DKKL1: variants seen among roughly 807,000 people sequenced by gnomAD.
DKKL1 encodes the protein dickkopf like acrosomal protein 1.
In DKKL1, 11 loss-of-function variants were observed where a neutral mutation model predicts 16.5. The ratio of observed to expected loss-of-function variants is 0.67; its 90% CI spans 0.42 to 1.10. The LOEUF (loss-of-function observed/expected upper bound fraction) is 1.10. Among genes scored for constraint, DKKL1 ranks in the 50% least tolerant of loss-of-function variants. The pLI is 0.00. For missense variants in DKKL1, 320 were observed against 308.1 expected (o/e 1.04, Z -0.29); for synonymous variants, 119 against 133.2 (o/e 0.89, Z 0.73).
rs763792602 is a variant in DKKL1, at chr19:49,364,682, C to T, written c.111C>T (p.Asp37=). Residue 37 remains aspartate, a synonymous_variant, in exon 2 of 5, where the codon GAC becomes GAT. Coordinates refer to ENST00000221498, the MANE Select transcript of DKKL1 (RefSeq NM_014419.4). ...CTGCAGCTCCTATCCATGATGCTGA[C>T]GCCCAAGAGAGCTCCTTGGGTCTCA... ...PSAAAPIHDA[D]AQESSLGLTG... 8.7e-6 allele frequency: 14 copies of T among 1,614,088 alleles called. No individual in the cohort carries two copies. The highest frequency in any genetic ancestry group is 2.2e-5 in the East Asian group (1 of 44,894).
At chr19:49,365,735 G>C in intron 3 of DKKL1, 58 bp from the exon 4 acceptor site, 2 of 1,602,974 alleles carry the variant, frequency 1.2e-6, no homozygotes, top group Non-Finnish European at 8.5e-7. Context: ...TGTTGGGAGG[G>C]AAGGAGGGCG....
At chr19:49,371,936 A>G (rs1009800298) in intron 4 of DKKL1, among the ~76,000 whole-genome samples, 7 of 152,196 alleles carry the variant, frequency 4.6e-5, no homozygotes, top group Admixed American at 1.3e-4. Flanking sequence ...ATGTCCCTGC[A>G]AAGGACATTA....
Position 49,363,938 on chromosome 19 carries a change from G to C in DKKL1, c.-61G>C, listed in dbSNP as rs1261618620. 1.2e-5 allele frequency: 19 copies of C among 1,605,310 alleles called. No individual in the cohort carries two copies. Among genetic ancestry groups the C allele is most frequent in the Admixed American group, 1.7e-5 (1 of 58,540 alleles). On this transcript the variant is annotated 5_prime_UTR_variant, in exon 1 of 5. Transcript: ENST00000221498. ...CAGTACGTGGGCGGCCGGAATCCGG[G>C]AGTCCGGTGACCCGGGCTGTGGTCT...
intron 2 of DKKL1, among the ~76,000 whole-genome samples, chr19:49,365,171 A>G (rs1973200316): frequency 6.6e-6 from 1 of 152,084 alleles, no homozygotes; most frequent in Non-Finnish European, 1.5e-5. Flanking sequence ...CCTGTCTCTA[A>G]ACAAATAAAT....
At chr19:49,371,767 T>G (rs1024648690) in intron 4 of DKKL1, among the ~76,000 whole-genome samples, 1 of 146,928 alleles carries the variant, frequency 6.8e-6, no homozygotes, top group African/African-American at 2.5e-5. Flanking sequence ...ATCCCTCCCC[T>G]GACCCCCCAC....
At chr19:49,362,935 GTT>G (rs1333841695), upstream of DKKL1, 3 of 80,162 alleles carry the variant, frequency 3.7e-5, no homozygotes, top group Non-Finnish European at 7.9e-5. Context: ...TGTTTTTTTT[GTT>G]TTTTTTTTTT....
intron 4 of DKKL1, among the ~76,000 whole-genome samples, chr19:49,367,312 A>G (rs985114483): frequency 1.3e-5 from 2 of 152,138 alleles, no homozygotes; most frequent in Non-Finnish European, 2.9e-5. Context: ...CTGGGATTAT[A>G]GGCATGAGCT....
At chr19:49,363,846 G>A, upstream of DKKL1, 1 of 1,114,274 alleles carries the variant, frequency 9.0e-7, no homozygotes, top group South Asian at 1.5e-5. Flanking sequence ...GCGTGGCTAC[G>A]GCTCGCGGAG....
chr19:49,370,772 T>C (rs1973450337), intron 4 of DKKL1: 1 of 151,652 alleles, frequency 6.6e-6, no homozygotes, highest in Non-Finnish European at 1.5e-5. Flanking sequence ...CCCTAGGGAG[T>C]CCAGGTAAAT....
chr19:49,370,497 G>A (rs1057215653), intron 4 of DKKL1: 3 of 151,908 alleles, frequency 2.0e-5, no homozygotes, highest in Non-Finnish European at 2.9e-5. Context: ...AAGTTCCCAC[G>A]GAGGATACCC....
At chr19:49,368,638 T>C (rs774973662) in intron 4 of DKKL1, 5 of 152,182 alleles carry the variant, frequency 3.3e-5, no homozygotes, top group Admixed American at 6.5e-5. Context: ...AACCTCCACC[T>C]TCTAGGTTGT....
At chr19:49,362,762 C>T (rs1973045243), upstream of DKKL1, among the ~76,000 whole-genome samples, 1 of 151,632 alleles carries the variant, frequency 6.6e-6, no homozygotes, top group Non-Finnish European at 1.5e-5. Flanking sequence ...GAGATATGGG[C>T]TCCTAGGTCT....
At position 49,364,002 on chromosome 19, in the gene DKKL1, G is replaced by T; in HGVS notation, c.4G>T (p.Gly2Ter). Residue 2 changes from glycine (G) to a stop codon, truncating the protein, a stop_gained, in exon 1 of 5, where the codon GGA becomes TGA. Transcript: ENST00000221498. LOFTEE classifies it high-confidence loss of function. M[G>*]EASPPAPARR... ...AGCCCAGAAGAAGGGGCGGGGTATG[G>T]GAGAAGGTGAGGATTGAGATCTGGT... is the stretch of plus-strand genomic sequence containing the variant. The T allele has an allele frequency of 6.2e-7, 1 of 1,613,448 alleles. No individual in the cohort carries two copies. Among genetic ancestry groups the T allele is most frequent in the Non-Finnish European group, 8.5e-7 (1 of 1,179,696 alleles).
chr19:49,373,585 T>C (rs954560462), intron 4 of DKKL1, among the ~76,000 whole-genome samples: 7 of 152,050 alleles, frequency 4.6e-5, no homozygotes, highest in African/African-American at 1.4e-4. Context: ...TTCTCCTGCC[T>C]TAGCCTCCCA....
Position 49,363,928 on chromosome 19 carries a change from C to G in DKKL1, c.-71C>G, listed in dbSNP as rs374578611. 4 of 1,598,188 alleles carry G rather than the reference C, an allele frequency of 2.5e-6. No homozygotes were observed. Among genetic ancestry groups the G allele is most frequent in the Non-Finnish European group, 1.7e-6 (2 of 1,171,848 alleles). On this transcript the variant is annotated 5_prime_UTR_variant, in exon 1 of 5. Transcript: ENST00000221498. ...TTGGCTTTAACAGTACGTGGGCGGC[C>G]GGAATCCGGGAGTCCGGTGACCCGG...
At chr19:49,360,666 A>G (rs67213703), upstream of DKKL1, among the ~76,000 whole-genome samples, 38,705 of 150,778 alleles carry the variant, frequency 0.26, 5,177 homozygotes, top group African/African-American at 0.31. Flanking sequence ...ACAGGTGGTA[A>G]GATGTGAGCA....
intron 4 of DKKL1, among the ~76,000 whole-genome samples, chr19:49,373,751 G>A (rs534902608): frequency 1.3e-5 from 2 of 152,054 alleles, no homozygotes; most frequent in South Asian, 4.2e-4. Context: ...TTACACACAT[G>A]AGCCACCGCG....
At chr19:49,365,117 G>A (rs1973198986) in intron 2 of DKKL1, among the ~76,000 whole-genome samples, 1 of 152,182 alleles carries the variant, frequency 6.6e-6, no homozygotes, top group Non-Finnish European at 1.5e-5. Context: ...AGTAAGCCAT[G>A]ATAGCACCAC....
Position 49,365,509 on chromosome 19 carries a change from G to T in DKKL1, c.184G>T (p.Gly62Cys). ...LQGFSRLFLK[G>C]NLLRGIDSLF... is the part of the protein sequence containing the mutation. The stretch of plus-strand genomic sequence containing the variant: ...TCACCAGTCCCTCCTCCGGCCCCAG[G>T]GTAACCTGCTTCGGGGCATAGACAG... Residue 62 changes from glycine (G) to cysteine (C), a missense_variant and splice_region_variant, in exon 3 of 5, where the codon GGT (glycine) becomes TGT (cysteine). By Grantham distance (159) the Gly-to-Cys change is radical. Coordinates refer to ENST00000221498, the MANE Select transcript of DKKL1 (RefSeq NM_014419.4). 6.2e-7 allele frequency: 1 copy of T among 1,600,320 alleles called. No individual in the cohort carries two copies. The highest frequency in any genetic ancestry group is 1.3e-5 in the African/African-American group (1 of 74,786).
Sources: allele counts gnomAD v4.1 joint callset (sites outside exome capture counted in the v4.1 genomes callset), GRCh38; gene constraint gnomAD v4.1.1; transcripts MANE v1.5; gene names NCBI Gene and HGNC (gene_info 2026-07-23, HGNC 2026-07-21).